Variants in PFKP observed in about 807,000 individuals in gnomAD.
PFKP encodes phosphofructokinase, platelet.
A neutral mutation model predicts 94.3 loss-of-function variants in PFKP; 101 were observed. The ratio of observed to expected loss-of-function variants is 1.07; its 90% CI spans 0.91 to 1.26. The LOEUF (loss-of-function observed/expected upper bound fraction) is 1.26. Among genes scored for constraint, PFKP ranks in the 50% most tolerant of loss-of-function variants. PFKP has a pLI of 0.00. For synonymous variants in PFKP, 573 were observed against 432.6 expected, an observed-to-expected ratio of 1.32 and a Z score of -4.03; for missense variants, 1,145 against 1,103.3, an observed-to-expected ratio of 1.04 and a Z score of -0.53.
intron 1 of PFKP, among the ~76,000 whole-genome samples, chr10:3,079,648 T>C (rs1345319865): frequency 2.0e-5 from 1 of 50,208 alleles, no homozygotes; most frequent in Non-Finnish European, 4.3e-5. Flanking sequence ...GAACGAGGTC[T>C]TCAGAGAGCG....
In PFKP at chr10:3,116,972, C is replaced by A. The variant is rs1836896783; in HGVS notation, c.1442+126C>A. 6.5e-6 allele frequency: 5 copies of A among 767,204 alleles called. No homozygotes were observed. The East Asian group carries it at 1.2e-4, about 19-fold the overall frequency. The allele number at this position is 767,204 out of a possible 1,614,324, so 47.5% of individuals were successfully genotyped here. On this transcript the variant is annotated intron_variant, in intron 14 of 21. Transcript: ENST00000381125. ...GAAAGGCGTCCCTAAGGGAGGGGTGCAGGCAGTTACCGGTCCTCCCTCCAG... is the reference window on the plus strand; with the variant it reads ...GAAAGGCGTCCCTAAGGGAGGGGTGAAGGCAGTTACCGGTCCTCCCTCCAG...
At chr10:3,100,888 C>A in intron 3 of PFKP, 7 of 1,038,580 alleles carry the variant, frequency 6.7e-6, no homozygotes, top group Non-Finnish European at 9.7e-6. Flanking sequence ...AAAAATCCCC[C>A]TGGCCCCAGG....
Position 3,105,163 on chromosome 10 carries a change from C to T in PFKP, c.665+4C>T, listed in dbSNP as rs768187188. Reference sequence around the variant, plus strand: ...AGGTGATGGGACGACACTGTGGGTACGTACCTGCGGTGGGTCCGGTGGACG... The same window carrying T: ...AGGTGATGGGACGACACTGTGGGTATGTACCTGCGGTGGGTCCGGTGGACG... On this transcript the variant is annotated splice_donor_region_variant and intron_variant, in intron 6 of 21. Transcript: ENST00000381125. The T allele has an allele frequency of 1.9e-5, 30 of 1,613,288 alleles. No homozygotes were observed. Among genetic ancestry groups the T allele is most frequent in the Middle Eastern group, 1.6e-4 (1 of 6,082 alleles).
intron 10 of PFKP, among the ~76,000 whole-genome samples, chr10:3,110,467 C>G (rs1056269235): frequency 6.7e-6 from 1 of 149,876 alleles, no homozygotes; most frequent in Non-Finnish European, 1.5e-5. Flanking sequence ...CCATCCACCT[C>G]GGCCTCCCAA....
Position 3,136,432 on chromosome 10 carries a change from C to G in PFKP, c.2226-18C>G, listed in dbSNP as rs547271961. On this transcript the variant is annotated intron_variant, in intron 21 of 21. Coordinates refer to ENST00000381125, the MANE Select transcript of PFKP (RefSeq NM_002627.5). ...CAGTGACTGCAGGCCTCACTGCTGT[C>G]TCCTCTTACCTCCACAGGCACAGGA... is the stretch of plus-strand genomic sequence containing the variant. The G allele has an allele frequency of 7.4e-6, 12 of 1,613,156 alleles. No homozygotes were observed. Among genetic ancestry groups the G allele is most frequent in the Non-Finnish European group, 1.0e-5 (12 of 1,179,438 alleles).
chr10:3,116,519 G>A (rs1161747692), intron 13 of PFKP, among the ~76,000 whole-genome samples: 3 of 152,126 alleles, frequency 2.0e-5, no homozygotes, highest in Admixed American at 6.5e-5. Context: ...TATCTCACAC[G>A]TGGCTCAGGA....
chr10:3,103,441 A>G (rs1239937334), intron 4 of PFKP, among the ~76,000 whole-genome samples: 1 of 152,170 alleles, frequency 6.6e-6, no homozygotes, highest in Admixed American at 6.5e-5. Context: ...GAGCCCAGGA[A>G]TTTAAGACCC....
intron 7 of PFKP, 137 bp downstream of exon 7, chr10:3,105,638 T>C (rs1476907778): frequency 2.5e-5 from 17 of 667,794 alleles, no homozygotes; most frequent in Non-Finnish European, 4.6e-5. Context: ...TATTTCACTC[T>C]ATGGACTGTG....
At position 3,101,422 on chromosome 10, in the gene PFKP, C is replaced by T. The variant is rs759433401; in HGVS notation, c.322C>T (p.Leu108=). Residue 108 remains leucine (L), a synonymous_variant, in exon 4 of 22, where the codon CTG becomes TTG. Coordinates refer to ENST00000381125, the MANE Select transcript of PFKP (RefSeq NM_002627.5). ...GGCCTTCCGCACGCGGGAAGGCCGC[C>T]TGAAGGCTGCTTGCAACCTGCTGCA... ...CQAFRTREGR[L]KAACNLLQRG... 33 of 1,607,446 alleles carry T rather than the reference C, an allele frequency of 2.1e-5. No homozygotes were observed. In the South Asian group the frequency reaches 3.4e-4, roughly 17 times the overall value.
chr10:3,100,650 G>A (rs1041090804), intron 3 of PFKP, among the ~76,000 whole-genome samples: 1 of 152,112 alleles, frequency 6.6e-6, no homozygotes, highest in African/African-American at 2.4e-5. Context: ...GACAAAGTCA[G>A]CACGCGCTTA....
chr10:3,100,294 C>T (rs76910540), intron 3 of PFKP, among the ~76,000 whole-genome samples: 5,474 of 152,122 alleles, frequency 0.036, 268 homozygotes, highest in African/African-American at 0.11. Context: ...TCTGCGCCCC[C>T]ACCCTCACTT....
intron 7 of PFKP, among the ~76,000 whole-genome samples, chr10:3,105,924 C>T (rs2388569): frequency 0.3 from 44,970 of 152,082 alleles, 6,941 homozygotes; most frequent in East Asian, 0.48. Context: ...CTTTCATGAC[C>T]TCTTTAGGCT....
chr10:3,117,384 A>C (rs536833545), intron 14 of PFKP, among the ~76,000 whole-genome samples: 23 of 152,344 alleles, frequency 1.5e-4, no homozygotes, highest in African/African-American at 5.5e-4. Context: ...AATGTAGATG[A>C]AGCCTGAGTA....
intron 21 of PFKP, among the ~76,000 whole-genome samples, chr10:3,136,190 G>A (rs774631190): frequency 3.9e-5 from 6 of 152,246 alleles, no homozygotes; most frequent in East Asian, 3.9e-4. Flanking sequence ...GCTTGAACCC[G>A]GGAGGCAGAG....
At chr10:3,106,455 A>G (rs879767998) in intron 7 of PFKP, among the ~76,000 whole-genome samples, 52 of 151,090 alleles carry the variant, frequency 3.4e-4, no homozygotes, top group Non-Finnish European at 5.5e-4. Flanking sequence ...GTCCTTCCCC[A>G]TGGGAACCCC....
At chr10:3,113,769 T>C (rs906627355) in intron 13 of PFKP, among the ~76,000 whole-genome samples, 1 of 152,016 alleles carries the variant, frequency 6.6e-6, no homozygotes, top group Admixed American at 6.6e-5. Flanking sequence ...TGGCAGTGCC[T>C]CTGGGGTCTG....
At chr10:3,080,433 C>T (rs1191002232) in intron 1 of PFKP, among the ~76,000 whole-genome samples, 1 of 141,034 alleles carries the variant, frequency 7.1e-6, no homozygotes, top group Non-Finnish European at 1.5e-5. Flanking sequence ...AGGAGAATGG[C>T]GTGAACCTGG....
At chr10:3,101,037 T>C in intron 3 of PFKP, 4 of 1,523,712 alleles carry the variant, frequency 2.6e-6, no homozygotes, top group South Asian at 1.1e-5. Flanking sequence ...GTGCACCTGG[T>C]TGAGCTCGTT....
Position 3,067,612 on chromosome 10 carries a change from C to A in PFKP, c.17C>A (p.Ser6Tyr), listed in dbSNP as rs1401039990. 12 of 1,529,448 alleles carry A rather than the reference C, an allele frequency of 7.8e-6. No individual in the cohort carries two copies. Among genetic ancestry groups the A allele is most frequent in the Non-Finnish European group, 9.7e-6 (11 of 1,137,624 alleles). 94.7% of individuals were successfully genotyped at this position (1,529,448 alleles called of 1,614,324 possible). Reference protein sequence around the residue: MDADDSRAPKGSLRKF... With the variant: MDADDYRAPKGSLRKF... Reference sequence around the variant, plus strand: ...CTCCTCGCCATGGACGCGGACGACTCCCGGGCCCCCAAGGGCTCCTTGCGG... The same window carrying A: ...CTCCTCGCCATGGACGCGGACGACTACCGGGCCCCCAAGGGCTCCTTGCGG... The change falls in exon 1 of 22, where the codon TCC (serine) becomes TAC (tyrosine). Residue 6 changes from serine to tyrosine, a missense_variant. Physicochemically the swap from Ser to Tyr is moderately radical, Grantham distance 144. Coordinates refer to ENST00000381125, the MANE Select transcript of PFKP (RefSeq NM_002627.5).
Sources: allele counts gnomAD v4.1 joint callset (sites outside exome capture counted in the v4.1 genomes callset), GRCh38; gene constraint gnomAD v4.1.1; transcripts MANE v1.5; gene names NCBI Gene and HGNC (gene_info 2026-07-23, HGNC 2026-07-21).